The following SLC2A10 variants were observed in gnomAD, a reference collection of about 807,000 sequenced individuals.
SLC2A10 encodes the protein solute carrier family 2 member 10, also known as solute carrier family 2, facilitated glucose transporter member 10.
SLC2A10 carries 25 observed loss-of-function variants against 32.1 expected under a neutral mutation model. That is an observed-to-expected ratio of 0.78 (90% CI 0.57 to 1.09). The LOEUF (loss-of-function observed/expected upper bound fraction) is 1.09. SLC2A10 is among the 50% of genes least tolerant of loss of function. The pLI, the probability that SLC2A10 is intolerant of heterozygous loss-of-function variation, is 0.00. For synonymous variants in SLC2A10, 332 were observed against 309.6 expected, an observed-to-expected ratio of 1.07 and a Z score of -0.76; for missense variants, 673 against 686.5, an observed-to-expected ratio of 0.98 and a Z score of 0.22.
rs141223709 is a variant in SLC2A10 at position 46,715,944 on chromosome 20, A to G, written c.4+6204A>G. Among the ~76,000 whole-genome samples the G allele has an allele frequency of 1.1e-3, 165 of 151,756 alleles. 2 individuals carry two copies. Among genetic ancestry groups the G allele is most frequent in the African/African-American group, 3.9e-3 (162 of 41,376 alleles). On this transcript the variant is annotated intron_variant, in intron 1 of 4. Coordinates refer to ENST00000359271, the MANE Select transcript of SLC2A10 (RefSeq NM_030777.4). ...ACTCCTGGGCTCAAGCGATCCTCAC[A>G]CTTCAACCCCTAGAGTAGCTGGGAC...
At chr20:46,729,623 G>A in intron 4 of SLC2A10, 135 bp downstream of exon 4, 3 of 436,114 alleles carry the variant, frequency 6.9e-6, no homozygotes, top group Non-Finnish European at 1.1e-5. Flanking sequence ...TGGGCACTAT[G>A]AGTTTTTTTT....
At chr20:46,709,945 C>G in intron 1 of SLC2A10, 1 of 576,784 alleles carries the variant, frequency 1.7e-6, no homozygotes, top group Non-Finnish European at 3.0e-6. Flanking sequence ...TTCCATCTTC[C>G]TTTCTGCCCC....
At chr20:46,724,966 G>A in intron 1 of SLC2A10, 75 bp from the exon 2 acceptor site, 1 of 1,601,810 alleles carries the variant, frequency 6.2e-7, no homozygotes, top group Non-Finnish European at 8.5e-7. Context: ...GTTGACAGAT[G>A]GAGGGAAGGT....
chr20:46,722,944 T>C (rs1336142820), intron 1 of SLC2A10, among the ~76,000 whole-genome samples: 1 of 152,240 alleles, frequency 6.6e-6, no homozygotes, highest in African/African-American at 2.4e-5. Context: ...TCGTTAGCAC[T>C]CTTACCTGGA....
At chr20:46,717,719 A>G (rs1436334087) in intron 1 of SLC2A10, among the ~76,000 whole-genome samples, 1 of 152,214 alleles carries the variant, frequency 6.6e-6, no homozygotes, top group African/African-American at 2.4e-5. Flanking sequence ...GTCAGATTGC[A>G]TCTGAAATCA....
chr20:46,711,236 A>G (rs923817200), intron 1 of SLC2A10, among the ~76,000 whole-genome samples: 4 of 152,210 alleles, frequency 2.6e-5, no homozygotes, highest in African/African-American at 9.7e-5. Context: ...TGATGTAGGT[A>G]AGCATAGAAG....
Position 46,725,083 on chromosome 20 carries a change from T to C in SLC2A10, c.47T>C (p.Leu16Ser). The part of the protein sequence containing the change: ...PVLPLCASVS[L>S]LGGLTFGYEL... ...CTGCCTTTGTGTGCCTCTGTGTCTT[T>C]GCTGGGTGGCCTGACCTTTGGTTAT... The change falls in exon 2 of 5, where the codon TTG becomes TCG. Residue 16 changes from leucine to serine, a missense_variant. Physicochemically the swap from Leu to Ser is moderately radical, Grantham distance 145. Transcript: ENST00000359271. The C allele has an allele frequency of 6.2e-7, 1 of 1,614,220 alleles. No homozygotes were observed. Among genetic ancestry groups the C allele is most frequent in the Non-Finnish European group, 8.5e-7 (1 of 1,180,030 alleles).
At position 46,736,015 on chromosome 20, in the gene SLC2A10, T is replaced by G. The variant is rs1327296595; in HGVS notation, c.*2181T>G. 1 of 152,184 alleles carries G rather than the reference T, an allele frequency of 6.6e-6. No individual in the cohort carries two copies. Among genetic ancestry groups the G allele is most frequent in the Non-Finnish European group, 1.5e-5 (1 of 68,040 alleles). The allele number at this position is 152,184 out of a possible 1,614,324, so 9.4% of individuals were successfully genotyped here. Reference sequence around the variant, plus strand: ...AGTTATCAGGGATTTTTATTTGTAGTCTAATTTTGTCAAATCATGGCCAAA... The same window carrying G: ...AGTTATCAGGGATTTTTATTTGTAGGCTAATTTTGTCAAATCATGGCCAAA... On this transcript the variant is annotated 3_prime_UTR_variant, in exon 5 of 5. Coordinates refer to ENST00000359271, the MANE Select transcript of SLC2A10 (RefSeq NM_030777.4).
At chr20:46,727,747 C>T (rs1980055505) in intron 3 of SLC2A10, among the ~76,000 whole-genome samples, 2 of 152,308 alleles carry the variant, frequency 1.3e-5, no homozygotes, top group East Asian at 1.9e-4. Context: ...CTCTGAGATG[C>T]TGAGATGCTC....
chr20:46,709,170 C>T (rs1978753672), upstream of SLC2A10, among the ~76,000 whole-genome samples: 1 of 152,202 alleles, frequency 6.6e-6, no homozygotes, highest in Non-Finnish European at 1.5e-5. Context: ...GTGGTGGTGT[C>T]CAAACCCAAG....
intron 2 of SLC2A10, 138 bp from the exon 3 acceptor site, chr20:46,726,725 AG>A: frequency 8.5e-7 from 1 of 1,169,832 alleles, no homozygotes; most frequent in Non-Finnish European, 1.3e-6. Flanking sequence ...TAATTCTTAT[AG>A]CAGAATGGGA....
At chr20:46,712,563 T>C (rs910751466) in intron 1 of SLC2A10, among the ~76,000 whole-genome samples, 1 of 152,130 alleles carries the variant, frequency 6.6e-6, no homozygotes, top group Non-Finnish European at 1.5e-5. Flanking sequence ...GCACACTTGC[T>C]AAACTTAGGT....
At chr20:46,732,209 G>T (rs1011780055) in intron 4 of SLC2A10, among the ~76,000 whole-genome samples, 1 of 152,124 alleles carries the variant, frequency 6.6e-6, no homozygotes, top group African/African-American at 2.4e-5. Context: ...AATGGCAATT[G>T]GTTGCCGAAA....
Position 46,726,928 on chromosome 20 carries a change from C to T in SLC2A10, c.1353C>T (p.Cys451=). ...VEIRGRAFAF[C]NSFNWAANLF... ...TACGAGGAAGAGCCTTCGCCTTCTG[C>T]AACAGCTTCAACTGGGCGGCCAACC... The change falls in exon 3 of 5, where the codon TGC becomes TGT. Residue 451 remains cysteine, a synonymous_variant. Transcript: ENST00000359271. The T allele has an allele frequency of 6.2e-7, 1 of 1,614,210 alleles. No individual in the cohort carries two copies.
rs1436230128 is a variant in SLC2A10, at chr20:46,733,908, C to G, written c.*74C>G. 1.4e-6 allele frequency: 2 copies of G among 1,437,456 alleles called. No individual in the cohort carries two copies. Among genetic ancestry groups the G allele is most frequent in the East Asian group, 2.3e-5 (1 of 42,766 alleles). 89.0% of individuals were successfully genotyped at this position (1,437,456 alleles called of 1,614,324 possible). A position where few individuals can be genotyped will look rare whatever the true frequency, so the allele number is the denominator to read the frequency against. On this transcript the variant is annotated 3_prime_UTR_variant, in exon 5 of 5. Transcript: ENST00000359271. Reference sequence around the variant, plus strand: ...CTCCAGCATCCTGCTTCCTAGGCCCCAGAGCACAAGTTCCAGCTGGTCTTT... The same window carrying G: ...CTCCAGCATCCTGCTTCCTAGGCCCGAGAGCACAAGTTCCAGCTGGTCTTT...
intron 1 of SLC2A10, among the ~76,000 whole-genome samples, chr20:46,713,160 T>G (rs1979030799): frequency 1.3e-5 from 2 of 152,190 alleles, no homozygotes; most frequent in African/African-American, 4.8e-5. Context: ...GTAACTGTCC[T>G]TGGCCTCAGG....
chr20:46,718,101 T>C lies in SLC2A10; in HGVS notation c.5-6940T>C, dbSNP rs73313086. Among the ~76,000 whole-genome samples, 500 of 152,152 alleles carry C rather than the reference T, an allele frequency of 3.3e-3. 6 individuals are homozygous for C. Among genetic ancestry groups the C allele is most frequent in the African/African-American group, 0.011 (474 of 41,504 alleles). On this transcript the variant is annotated intron_variant, in intron 1 of 4. Transcript: ENST00000359271. ...AGCCTGGCATGGTGGTGCATGTCTA[T>C]AGTCCCAGCTGCTTGGAAAGCTAAG...
intron 1 of SLC2A10, among the ~76,000 whole-genome samples, chr20:46,714,184 G>T (rs921765426): frequency 6.8e-6 from 1 of 147,596 alleles, no homozygotes; most frequent in African/African-American, 2.7e-5. Flanking sequence ...GGGGAAGATG[G>T]CCCCCAGTGG....
In SLC2A10 at chr20:46,734,030, C is replaced by T. The variant is rs1306446365; in HGVS notation, c.*196C>T. 4.7e-6 allele frequency: 3 copies of T among 638,212 alleles called. No individual in the cohort carries two copies. Among genetic ancestry groups the T allele is most frequent in the Non-Finnish European group, 8.5e-6 (3 of 353,396 alleles). The allele number at this position is 638,212 out of a possible 1,614,324, so 39.5% of individuals were successfully genotyped here. ...CAACTCTTCATTTTGAGTCTCAGGC[C>T]CTGAAGGTTCCTGAGGATCTAGCTT... On this transcript the variant is annotated 3_prime_UTR_variant, in exon 5 of 5. Transcript: ENST00000359271.
Sources: allele counts gnomAD v4.1 joint callset (sites outside exome capture counted in the v4.1 genomes callset), GRCh38; gene constraint gnomAD v4.1.1; transcripts MANE v1.5; gene names NCBI Gene and HGNC (gene_info 2026-07-23, HGNC 2026-07-21).